The following CNTN6 variants were observed in gnomAD, a reference collection of about 807,000 sequenced individuals.
CNTN6 encodes the protein contactin 6, also known as contactin-6.
Under a neutral mutation model 122.8 loss-of-function variants are expected in CNTN6, and 137 were observed. That is an observed-to-expected ratio of 1.12 (90% CI 0.97 to 1.29). The LOEUF (loss-of-function observed/expected upper bound fraction) is 1.29, where lower values mean the gene tolerates loss of function less well. Ranked by LOEUF, CNTN6 falls within the 50% of genes most tolerant of loss-of-function variation. CNTN6 has a pLI of 0.00. For synonymous variants in CNTN6, 570 were observed against 426.0 expected, an observed-to-expected ratio of 1.34 and a Z score of -4.16; for missense variants, 1,634 against 1,223.4, an observed-to-expected ratio of 1.34 and a Z score of -5.01.
chr3:1,225,764 C>G (rs1473220993), intron 3 of CNTN6, among the ~76,000 whole-genome samples: 1 of 148,986 alleles, frequency 6.7e-6, no homozygotes. Context: ...ACAAATTCCT[C>G]TAGAAAAAAA....
At chr3:1,157,797 C>T (rs577193312) in intron 2 of CNTN6, among the ~76,000 whole-genome samples, 18 of 152,208 alleles carry the variant, frequency 1.2e-4, no homozygotes, top group African/African-American at 4.3e-4. Context: ...ACCTCCAGTT[C>T]CATCCATGTT....
intron 7 of CNTN6, among the ~76,000 whole-genome samples, chr3:1,302,617 T>A (rs1339750142): frequency 6.6e-6 from 1 of 152,168 alleles, no homozygotes; most frequent in Non-Finnish European, 1.5e-5. Flanking sequence ...AGAGAGCTTC[T>A]GATATAAAAA....
intron 20 of CNTN6, among the ~76,000 whole-genome samples, chr3:1,394,737 A>AT (rs1694770978): frequency 1.3e-5 from 2 of 152,126 alleles, no homozygotes; most frequent in Non-Finnish European, 2.9e-5. Flanking sequence ...TTGACACTAA[A>AT]TTTTTTCAGT....
chr3:1,401,657 T>A, intron 21 of CNTN6, 112 bp downstream of exon 21: 1 of 679,984 alleles, frequency 1.5e-6, no homozygotes. Context: ...GGAATCTTTT[T>A]CAAAATTATT....
Position 1,295,600 on chromosome 3 carries a change from G to A in CNTN6, c.455-1G>A. ...GTTTTGTTTTGTTTCTTGTTTTTCA[G>A]ATTTATCTTATGCATGGACCTTCAA... On this transcript the variant is annotated splice_acceptor_variant, in intron 5 of 22. Coordinates refer to ENST00000446702, the MANE Select transcript of CNTN6 (RefSeq NM_001289080.2). LOFTEE classifies it high-confidence loss of function. The A allele has an allele frequency of 1.2e-6, 2 of 1,611,304 alleles. No homozygotes were observed. The highest frequency in any genetic ancestry group is 1.7e-6 in the Non-Finnish European group (2 of 1,178,596).
At position 1,115,190 on chromosome 3, in the gene CNTN6, G is replaced by A. The variant is rs1240176887; in HGVS notation, c.-83+22070G>A. 7.2e-5 allele frequency among the ~76,000 whole-genome samples: 11 copies of A among 152,274 alleles called. No individual in the cohort carries two copies. The East Asian group carries it at 2.1e-3, about 29-fold the overall frequency. On this transcript the variant is annotated intron_variant, in intron 1 of 22. Coordinates refer to ENST00000446702, the MANE Select transcript of CNTN6 (RefSeq NM_001289080.2). ...TGCACATAGGCTCTTAAATACCCAT[G>A]TTTAGAAATTCCCCAGTAAAAACCA...
chr3:1,119,423 T>G (rs184066817), intron 1 of CNTN6, among the ~76,000 whole-genome samples: 1 of 150,698 alleles, frequency 6.6e-6, no homozygotes, highest in Non-Finnish European at 1.5e-5. Context: ...ATTACCATAT[T>G]TTTATACATA....
At chr3:1,237,431 T>A (rs2094435663) in intron 4 of CNTN6, among the ~76,000 whole-genome samples, 1 of 152,132 alleles carries the variant, frequency 6.6e-6, no homozygotes, top group Non-Finnish European at 1.5e-5. Context: ...GAATAATTGG[T>A]GTTCCCGAGG....
chr3:1,237,502 T>C (rs2094436324), intron 4 of CNTN6, among the ~76,000 whole-genome samples: 1 of 152,180 alleles, frequency 6.6e-6, no homozygotes, highest in Admixed American at 6.5e-5. Context: ...GAAAACTTCC[T>C]CAGCTTTGCT....
At chr3:1,156,939 C>T (rs1274756046) in intron 2 of CNTN6, among the ~76,000 whole-genome samples, 2 of 151,836 alleles carry the variant, frequency 1.3e-5, no homozygotes, top group East Asian at 3.9e-4. Context: ...CTGGTCTTGA[C>T]TTCTTGGCCC....
chr3:1,124,409 C>T (rs1380934459), intron 1 of CNTN6, among the ~76,000 whole-genome samples: 1 of 151,940 alleles, frequency 6.6e-6, no homozygotes, highest in African/African-American at 2.4e-5. Flanking sequence ...TCCAACCACA[C>T]TGAACCTCAC....
intron 4 of CNTN6, among the ~76,000 whole-genome samples, chr3:1,251,544 A>G (rs1011250231): frequency 3.0e-4 from 46 of 152,132 alleles, no homozygotes; most frequent in African/African-American, 1.0e-3. Flanking sequence ...ATCTGGTGAA[A>G]TCTAAGCCAT....
intron 4 of CNTN6, among the ~76,000 whole-genome samples, chr3:1,230,248 A>G (rs979913685): frequency 1.3e-5 from 2 of 152,134 alleles, no homozygotes; most frequent in African/African-American, 2.4e-5. Context: ...CTTTTTGTCA[A>G]ATATCTAGTG....
chr3:1,104,634 G>A (rs7648787), intron 1 of CNTN6, among the ~76,000 whole-genome samples: 25,343 of 152,018 alleles, frequency 0.17, 3,438 homozygotes, highest in African/African-American at 0.38. Flanking sequence ...CATTTTTCCA[G>A]TTATAAAATC....
At chr3:1,182,262 C>T (rs532559697) in intron 2 of CNTN6, among the ~76,000 whole-genome samples, 6 of 152,224 alleles carry the variant, frequency 3.9e-5, no homozygotes, top group African/African-American at 7.2e-5. Context: ...CTTTTAGTAA[C>T]TTTATTTCCC....
In CNTN6 at chr3:1,398,959, C is replaced by G. The variant is rs114805404; in HGVS notation, c.2705-2474C>G. Among the ~76,000 whole-genome samples the G allele has an allele frequency of 4.7e-3, 710 of 152,244 alleles. 7 individuals are homozygous for G. The highest frequency in any genetic ancestry group is 0.016 in the African/African-American group (678 of 41,556). On this transcript the variant is annotated intron_variant, in intron 20 of 22. Coordinates refer to ENST00000446702, the MANE Select transcript of CNTN6 (RefSeq NM_001289080.2). ...GACACAAATGCAAACATGTCAATGA[C>G]AAAGTCATTGCCAACATTGCAAACT...
chr3:1,305,807 A>AT (rs200189984), intron 7 of CNTN6, among the ~76,000 whole-genome samples: 1,688 of 151,250 alleles, frequency 0.011, 29 homozygotes, highest in African/African-American at 0.039. Context: ...TGTATAACTT[A>AT]TTTTTTTTTC....
At chr3:1,106,534 AC>A (rs2091231473) in intron 1 of CNTN6, among the ~76,000 whole-genome samples, 1 of 152,068 alleles carries the variant, frequency 6.6e-6, no homozygotes, top group African/African-American at 2.4e-5. Flanking sequence ...ACACACACAC[AC>A]ACACACACGC....
At chr3:1,312,217 T>C (rs1195148924) in intron 7 of CNTN6, among the ~76,000 whole-genome samples, 1 of 152,012 alleles carries the variant, frequency 6.6e-6, no homozygotes, top group African/African-American at 2.4e-5. Context: ...CCTTTCCATA[T>C]AGTTTTTGAA....
Sources: gnomAD v4.1 joint callset for allele counts (sites outside exome capture counted in the v4.1 genomes callset) on GRCh38, gnomAD v4.1.1 for gene constraint, MANE v1.5 for transcripts, NCBI Gene and HGNC (gene_info 2026-07-23, HGNC 2026-07-21) for gene names.